TGFBR3: variants seen among roughly 807,000 people sequenced by gnomAD.
The protein encoded by TGFBR3 is transforming growth factor beta receptor type 3.
TGFBR3 carries 46 observed loss-of-function variants against 87.9 expected under a neutral mutation model. The observed-to-expected ratio is 0.52, with a 90% CI of 0.41 to 0.67. The LOEUF (loss-of-function observed/expected upper bound fraction) is 0.67, where lower values mean the gene tolerates loss of function less well. Among genes scored for constraint, TGFBR3 ranks in the 30% least tolerant of loss-of-function variants. The pLI, the probability that TGFBR3 is intolerant of heterozygous loss-of-function variation, is 0.00. For synonymous variants in TGFBR3, 381 were observed against 391.6 expected (o/e 0.97, Z 0.32); for missense variants, 866 against 1,041.9 (o/e 0.83, Z 2.32).
chr1:91,787,667 G>A (rs1406544141), intron 3 of TGFBR3, among the ~76,000 whole-genome samples: 2 of 152,150 alleles, frequency 1.3e-5, no homozygotes, highest in Non-Finnish European at 2.9e-5. Context: ...AAAGCCAAGG[G>A]CTATGCCTCA....
chr1:91,779,002 C>T (rs1674672751), intron 3 of TGFBR3, among the ~76,000 whole-genome samples: 1 of 152,028 alleles, frequency 6.6e-6, no homozygotes, highest in Non-Finnish European at 1.5e-5. Flanking sequence ...AAACAAAGAG[C>T]CCATGCCAAG....
At chr1:91,809,506 A>C (rs1273269211) in intron 2 of TGFBR3, among the ~76,000 whole-genome samples, 1 of 152,330 alleles carries the variant, frequency 6.6e-6, no homozygotes, top group South Asian at 2.1e-4. Context: ...ATCATCGCCT[A>C]TAACCACTGG....
intron 14 of TGFBR3, among the ~76,000 whole-genome samples, chr1:91,704,873 A>G (rs1478525719): frequency 6.6e-6 from 1 of 152,266 alleles, no homozygotes; most frequent in East Asian, 1.9e-4. Context: ...TCCTGTCCAC[A>G]GAAGAAACAC....
At chr1:91,810,959 G>T (rs76516328) in intron 2 of TGFBR3, among the ~76,000 whole-genome samples, 1 of 152,196 alleles carries the variant, frequency 6.6e-6, no homozygotes, top group Non-Finnish European at 1.5e-5. Context: ...CTAGCTCTGC[G>T]CTTTCTAGCA....
At chr1:91,766,173 C>T (rs1270194237) in intron 3 of TGFBR3, among the ~76,000 whole-genome samples, 3 of 151,364 alleles carry the variant, frequency 2.0e-5, no homozygotes, top group Non-Finnish European at 4.4e-5. Flanking sequence ...AGGCATAAAC[C>T]ACCATAACCA....
At position 91,681,364 on chromosome 1, in the gene TGFBR3, G is replaced by A. The variant is rs931191679; in HGVS notation, c.*2375C>T. ...TGATCTGAATAATAATTCTGACAAT[G>A]AGACCCAAACAAATAAAAGGTGATT... On this transcript the variant is annotated 3_prime_UTR_variant, in exon 17 of 17. Coordinates refer to ENST00000212355, the MANE Select transcript of TGFBR3 (RefSeq NM_003243.5). 6.9e-6 allele frequency: 3 copies of A among 436,928 alleles called. No individual in the cohort carries two copies. The highest frequency in any genetic ancestry group is 1.4e-5 in the Non-Finnish European group (3 of 221,654). The allele number at this position is 436,928 out of a possible 1,614,324, so 27.1% of individuals were successfully genotyped here.
At chr1:91,707,147 T>C (rs1671825747) in intron 14 of TGFBR3, among the ~76,000 whole-genome samples, 1 of 152,198 alleles carries the variant, frequency 6.6e-6, no homozygotes, top group African/African-American at 2.4e-5. Context: ...AAACCTCTCC[T>C]TTCCAGATAG....
chr1:91,806,776 T>C (rs1019993397), intron 2 of TGFBR3, among the ~76,000 whole-genome samples: 1 of 152,202 alleles, frequency 6.6e-6, no homozygotes, highest in Admixed American at 6.5e-5. Context: ...ATAAGGTTTT[T>C]GTTATTGTCC....
At chr1:91,826,089 C>T (rs1312074180) in intron 2 of TGFBR3, among the ~76,000 whole-genome samples, 1 of 152,144 alleles carries the variant, frequency 6.6e-6, no homozygotes, top group Non-Finnish European at 1.5e-5. Context: ...TAAGTCCCTG[C>T]TATGTGCCAG....
intron 3 of TGFBR3, among the ~76,000 whole-genome samples, chr1:91,780,918 C>G (rs1488021336): frequency 6.6e-6 from 1 of 151,130 alleles, no homozygotes; most frequent in Non-Finnish European, 1.5e-5. Flanking sequence ...CACACACACA[C>G]ACACACACAC....
intron 3 of TGFBR3, among the ~76,000 whole-genome samples, chr1:91,791,488 G>T (rs981357591): frequency 6.6e-6 from 1 of 152,154 alleles, no homozygotes; most frequent in Non-Finnish European, 1.5e-5. Flanking sequence ...CCCCAAAGCT[G>T]CAAGGAAGGG....
At chr1:91,800,470 A>G (rs1053964774) in intron 2 of TGFBR3, among the ~76,000 whole-genome samples, 1 of 150,874 alleles carries the variant, frequency 6.6e-6, no homozygotes, top group African/African-American at 2.4e-5. Flanking sequence ...TGATCACACT[A>G]TTGTACTCCA....
chr1:91,868,958 G>A (rs1163284724), intron 1 of TGFBR3, among the ~76,000 whole-genome samples: 4 of 152,150 alleles, frequency 2.6e-5, no homozygotes, highest in Non-Finnish European at 4.4e-5. Context: ...CCATCGTCTA[G>A]TTAGTCCAAG....
At position 91,680,488 on chromosome 1, in the gene TGFBR3, C is replaced by G. The variant is rs1236993115; in HGVS notation, c.*3251G>C. On this transcript the variant is annotated 3_prime_UTR_variant, in exon 17 of 17. Coordinates refer to ENST00000212355, the MANE Select transcript of TGFBR3 (RefSeq NM_003243.5). The stretch of plus-strand genomic sequence containing the variant: ...ACAACAGGGGTGTTCAAACTGGCCA[C>G]AGGGATTTTAAGGGTACTCGTTTTA... The G allele has an allele frequency of 2.2e-6, 1 of 454,034 alleles. No homozygotes were observed. The highest frequency in any genetic ancestry group is 1.6e-5 in the South Asian group (1 of 64,474). The allele number at this position is 454,034 out of a possible 1,614,324, so 28.1% of individuals were successfully genotyped here.
chr1:91,855,853 CTT>C (rs965954694), intron 2 of TGFBR3, among the ~76,000 whole-genome samples: 1 of 150,796 alleles, frequency 6.6e-6, no homozygotes, highest in Admixed American at 6.6e-5. Flanking sequence ...TAGATAATTT[CTT>C]TTTTTTTCTT....
chr1:91,792,790 G>T (rs986912776), intron 3 of TGFBR3, among the ~76,000 whole-genome samples: 22 of 152,162 alleles, frequency 1.4e-4, no homozygotes, highest in Admixed American at 6.5e-5. Context: ...GTTTTCATGG[G>T]GATGGAAACC....
At chr1:91,833,559 G>C (rs1364361217) in intron 2 of TGFBR3, among the ~76,000 whole-genome samples, 2 of 151,534 alleles carry the variant, frequency 1.3e-5, no homozygotes, top group African/African-American at 2.4e-5. Flanking sequence ...TTTGAGATCA[G>C]GGGTTCAAGA....
intron 2 of TGFBR3, among the ~76,000 whole-genome samples, chr1:91,896,894 C>T (rs1679563264): frequency 6.9e-6 from 1 of 145,412 alleles, no homozygotes; most frequent in Non-Finnish European, 1.5e-5. Context: ...GTACACATCC[C>T]CTACTTCCTA....
At chr1:91,806,123 C>T (rs284158) in intron 2 of TGFBR3, among the ~76,000 whole-genome samples, 159 of 152,356 alleles carry the variant, frequency 1.0e-3, no homozygotes, top group African/African-American at 3.7e-3. Flanking sequence ...ACTCGTTTCT[C>T]ATTTTACCAA....
Sources: allele counts gnomAD v4.1 joint callset (sites outside exome capture counted in the v4.1 genomes callset), GRCh38; gene constraint gnomAD v4.1.1; transcripts MANE v1.5; gene names NCBI Gene and HGNC (gene_info 2026-07-23, HGNC 2026-07-21).